The following CDC40 variants were observed in gnomAD, a reference collection of about 807,000 sequenced individuals.
CDC40 encodes pre-mRNA-processing factor 17.
A neutral mutation model predicts 80.6 loss-of-function variants in CDC40; 27 were observed. The observed-to-expected ratio is 0.33, with a 90% CI of 0.25 to 0.46. The LOEUF (loss-of-function observed/expected upper bound fraction) is 0.46, where lower values mean the gene tolerates loss of function less well. CDC40 is among the 20% of genes least tolerant of loss of function. CDC40 has a pLI of 1.00. For missense variants in CDC40, 486 were observed against 694.1 expected, an observed-to-expected ratio of 0.70 and a Z score of 3.37; for synonymous variants, 221 against 232.6, an observed-to-expected ratio of 0.95 and a Z score of 0.45.
chr6:110,201,614 T>C lies in CDC40; in HGVS notation c.333T>C (p.Leu111=). The C allele has an allele frequency of 6.2e-7, 1 of 1,613,400 alleles. No homozygotes were observed. Among genetic ancestry groups the C allele is most frequent in the Non-Finnish European group, 8.5e-7 (1 of 1,179,374 alleles). Residue 111 remains leucine, a synonymous_variant, in exon 3 of 15, where the codon CTT becomes CTC. Transcript: ENST00000307731. ...AAATGGCTGCCCCTAGAAATATGCT[T>C]TCTGGATATGCCGAACCAGCTCATA... ...TQQMAAPRNM[L]SGYAEPAHIN...
intron 3 of CDC40, 124 bp from the exon 4 acceptor site, chr6:110,207,382 C>T (rs1292916024): frequency 1.7e-6 from 1 of 577,660 alleles, no homozygotes; most frequent in Non-Finnish European, 3.1e-6. Context: ...CTGATTGGTC[C>T]TGAGTTAGAG....
At chr6:110,199,754 T>C (rs544344790) in intron 2 of CDC40, among the ~76,000 whole-genome samples, 9 of 152,156 alleles carry the variant, frequency 5.9e-5, no homozygotes, top group Non-Finnish European at 1.2e-4. Context: ...TCATCTGTTA[T>C]TTGTGATGTG....
intron 9 of CDC40, 79 bp downstream of exon 9, chr6:110,215,410 A>C (rs1394084014): frequency 9.1e-7 from 1 of 1,100,096 alleles, no homozygotes; most frequent in Non-Finnish European, 1.4e-6. Context: ...TAACTTTACT[A>C]CACCGATAGG....
At chr6:110,208,819 TTAAG>T (rs1182137782) in intron 4 of CDC40, among the ~76,000 whole-genome samples, 1 of 152,296 alleles carries the variant, frequency 6.6e-6, no homozygotes, top group East Asian at 1.9e-4. Flanking sequence ...GGTCTCTTCT[TTAAG>T]TATACAGTAT....
At chr6:110,186,749 T>C (rs1452353789) in intron 1 of CDC40, among the ~76,000 whole-genome samples, 1 of 152,192 alleles carries the variant, frequency 6.6e-6, no homozygotes, top group African/African-American at 2.4e-5. Context: ...TCTTTAGTTT[T>C]ATTATAGGAT....
At position 110,219,458 on chromosome 6, in the gene CDC40, G is replaced by A; in HGVS notation, c.1185G>A (p.Met395Ile). ...AGCAAAATCTCTTTGTGGCTGGGAT[G>A]TCTGATAAGAAGATTGTGCAAGTAA... ...EDKQNLFVAGMSDKKIVQWDI... is the reference protein window; with the variant it reads ...EDKQNLFVAGISDKKIVQWDI... The change falls in exon 11 of 15, where the codon ATG (methionine) becomes ATA (isoleucine). Residue 395 changes from methionine (M) to isoleucine (I), a missense_variant. Met to Ile is a conservative substitution (Grantham distance 10). Coordinates refer to ENST00000307731, the MANE Select transcript of CDC40 (RefSeq NM_015891.3). 4 of 1,594,322 alleles carry A rather than the reference G, an allele frequency of 2.5e-6. No homozygotes were observed. Among genetic ancestry groups the A allele is most frequent in the African/African-American group, 2.7e-5 (2 of 74,588 alleles).
At chr6:110,228,664 A>C (rs745652285) in intron 13 of CDC40, among the ~76,000 whole-genome samples, 168 bp from the exon 14 acceptor site, 6 of 152,176 alleles carry the variant, frequency 3.9e-5, no homozygotes, top group Non-Finnish European at 8.8e-5. Context: ...ACCTCTTGCC[A>C]GTGACATATT....
chr6:110,207,590 G>T lies in CDC40; in HGVS notation c.490+1G>T, dbSNP rs1364836055. On this transcript the variant is annotated splice_donor_variant, in intron 4 of 14. Transcript: ENST00000307731. LOFTEE classifies it high-confidence loss of function. ...GTAGAAGAAGCTGAAAAAAATCAAG[G>T]TAATTTATTTGAAACATTTGATATC... 1.3e-6 allele frequency: 2 copies of T among 1,497,880 alleles called. No individual in the cohort carries two copies. Among genetic ancestry groups the T allele is most frequent in the African/African-American group, 2.8e-5 (2 of 72,492 alleles). The allele number at this position is 1,497,880 out of a possible 1,614,324, so 92.8% of individuals were successfully genotyped here.
At chr6:110,198,927 A>G (rs1314881608) in intron 2 of CDC40, 1 of 152,144 alleles carries the variant, frequency 6.6e-6, no homozygotes, top group African/African-American at 2.4e-5. Flanking sequence ...CGAGTTGCAT[A>G]TTCACAGGGA....
At chr6:110,186,983 A>AT (rs895353963) in intron 1 of CDC40, among the ~76,000 whole-genome samples, 6 of 149,098 alleles carry the variant, frequency 4.0e-5, no homozygotes, top group East Asian at 1.9e-4. Context: ...TCTGGATAAA[A>AT]TTTTTTTTTT....
intron 1 of CDC40, 106 bp from the exon 2 acceptor site, chr6:110,193,076 T>C: frequency 1.5e-6 from 1 of 657,436 alleles, no homozygotes; most frequent in Non-Finnish European, 2.7e-6. Flanking sequence ...TGATAAGTTA[T>C]AACCATAAAA....
chr6:110,181,819 ATCTGACTTAAATG>A (rs1179776763), intron 1 of CDC40, among the ~76,000 whole-genome samples: 1 of 152,178 alleles, frequency 6.6e-6, no homozygotes, highest in Non-Finnish European at 1.5e-5. Context: ...AAGTTCAGCC[ATCTGACTTAAATG>A]TCTGCATCAA....
At chr6:110,215,874 G>C (rs1777693874) in intron 9 of CDC40, among the ~76,000 whole-genome samples, 1 of 152,158 alleles carries the variant, frequency 6.6e-6, no homozygotes, top group Non-Finnish European at 1.5e-5. Flanking sequence ...AGCAGAGAGA[G>C]AAAAGAAAGG....
chr6:110,219,795 C>T lies in CDC40; in HGVS notation c.1266C>T (p.Asn422=). Reference sequence around the variant, plus strand: ...ATGATCGGCATTTGGGAGCTGTCAACACCATTGTTTTTGTGGATGAGAATA... The same window carrying T: ...ATGATCGGCATTTGGGAGCTGTCAATACCATTGTTTTTGTGGATGAGAATA... ...QEYDRHLGAV[N]TIVFVDENRR... Residue 422 remains asparagine (N), a synonymous_variant, in exon 12 of 15, where the codon AAC becomes AAT. Coordinates refer to ENST00000307731, the MANE Select transcript of CDC40 (RefSeq NM_015891.3). 6.2e-7 allele frequency: 1 copy of T among 1,613,986 alleles called. No individual in the cohort carries two copies. Among genetic ancestry groups the T allele is most frequent in the Non-Finnish European group, 8.5e-7 (1 of 1,179,920 alleles).
At chr6:110,215,455 AAGG>A in intron 9 of CDC40, 124 bp downstream of exon 9, 1 of 792,016 alleles carries the variant, frequency 1.3e-6, no homozygotes, top group Non-Finnish European at 2.1e-6. Context: ...CTGAATCTGG[AAGG>A]AGGAGTCAGT....
chr6:110,195,716 A>G (rs371349557), intron 2 of CDC40, among the ~76,000 whole-genome samples: 63 of 152,262 alleles, frequency 4.1e-4, no homozygotes, highest in Admixed American at 1.2e-3. Flanking sequence ...TTATGAGGAG[A>G]GACTTCAAGA....
rs536065640 is a variant in CDC40 at position 110,195,891 on chromosome 6, T to C, written c.276+2623T>C. 3.9e-5 allele frequency among the ~76,000 whole-genome samples: 6 copies of C among 152,268 alleles called. No individual in the cohort carries two copies. The South Asian group carries it at 1.2e-3, about 32-fold the overall frequency. ...AAGAGTTTTATCTTGATTTAATCAATGATAAATAGATTTGTGAGGGTCTTA... is the reference window on the plus strand; with the variant it reads ...AAGAGTTTTATCTTGATTTAATCAACGATAAATAGATTTGTGAGGGTCTTA... On this transcript the variant is annotated intron_variant, in intron 2 of 14. Coordinates refer to ENST00000307731, the MANE Select transcript of CDC40 (RefSeq NM_015891.3).
intron 1 of CDC40, among the ~76,000 whole-genome samples, chr6:110,181,266 G>A (rs1409123737): frequency 1.3e-5 from 2 of 152,206 alleles, no homozygotes; most frequent in Non-Finnish European, 2.9e-5. Flanking sequence ...ACAGCTGCAT[G>A]ATCTCAATGG....
At position 110,199,534 on chromosome 6, in the gene CDC40, C is replaced by T. The variant is rs531701974; in HGVS notation, c.277-2024C>T. ...GTGTGAACCCGGGAGGCAGAGCTTG[C>T]AGCGAGCTGAGATTGCGCCACTGCA... On this transcript the variant is annotated intron_variant, in intron 2 of 14. Coordinates refer to ENST00000307731, the MANE Select transcript of CDC40 (RefSeq NM_015891.3). Among the ~76,000 whole-genome samples, 7 of 149,576 alleles carry T rather than the reference C, an allele frequency of 4.7e-5. No individual in the cohort carries two copies. The Admixed American group carries it at 4.7e-4, about 10-fold the overall frequency.
Sources: gnomAD v4.1 joint callset for allele counts (sites outside exome capture counted in the v4.1 genomes callset) on GRCh38, gnomAD v4.1.1 for gene constraint, MANE v1.5 for transcripts, NCBI Gene and HGNC (gene_info 2026-07-23, HGNC 2026-07-21) for gene names.